ZNF48: variants seen among roughly 807,000 people sequenced by gnomAD.
ZNF48 encodes the protein zinc finger protein 48, also known as zinc finger protein 553.
ZNF48 carries 20 observed loss-of-function variants against 40.0 expected under a neutral mutation model. The observed-to-expected ratio is 0.50, with a 90% CI of 0.35 to 0.73. ZNF48 has a LOEUF of 0.73. Among genes scored for constraint, ZNF48 ranks in the 30% least tolerant of loss-of-function variants. ZNF48 has a pLI of 0.01. For synonymous variants in ZNF48, 298 were observed against 329.7 expected (o/e 0.90, Z 1.04); for missense variants, 726 against 851.9 (o/e 0.85, Z 1.84).
Position 30,399,214 on chromosome 16 carries a change from AAG to A in ZNF48, c.*108_*109del. ...GGTGGGAGGGAGAAGGAAGGGAAGA[AAG>A]GGGAGGAAGAATAGATAGAAATAGG... On this transcript the variant is annotated 3_prime_UTR_variant, in exon 3 of 3. Transcript: ENST00000613509. The A allele has an allele frequency of 1.9e-6, 2 of 1,061,096 alleles. No individual in the cohort carries two copies. The highest frequency in any genetic ancestry group is 3.3e-5 in the South Asian group (2 of 60,688). The allele number at this position is 1,061,096 out of a possible 1,614,324, so 65.7% of individuals were successfully genotyped here. A position where few individuals can be genotyped will look rare whatever the true frequency, so the allele number is the denominator to read the frequency against.
chr16:30,397,290 G>A lies in ZNF48; in HGVS notation c.80-40G>A, dbSNP rs1324370155. 1 of 1,558,732 alleles carries A rather than the reference G, an allele frequency of 6.4e-7. No homozygotes were observed. Among genetic ancestry groups the A allele is most frequent in the East Asian group, 2.2e-5 (1 of 44,654 alleles). On this transcript the variant is annotated intron_variant, in intron 2 of 2. Transcript: ENST00000613509. This position sits in a 1 kb window ranked among gnomAD's most constrained non-coding sequence, Gnocchi z 4.1. ...GGTTGCTGTCAAAGATAAGTACCGA[G>A]CCAAAGGGGAGGGTCTACAACTTCC...
rs2050028499 is a variant in ZNF48, at chr16:30,399,239, A to G, written c.*132A>G. 3 of 906,398 alleles carry G rather than the reference A, an allele frequency of 3.3e-6. No homozygotes were observed. The highest frequency in any genetic ancestry group is 3.2e-6 in the Non-Finnish European group (2 of 620,548). 56.1% of individuals were successfully genotyped at this position (906,398 alleles called of 1,614,324 possible). Reference sequence around the variant, plus strand: ...AAGGGGAGGAAGAATAGATAGAAATAGGGATTGGAGACAGTAACCTTGAAG... The same window carrying G: ...AAGGGGAGGAAGAATAGATAGAAATGGGGATTGGAGACAGTAACCTTGAAG... On this transcript the variant is annotated 3_prime_UTR_variant, in exon 3 of 3. Coordinates refer to ENST00000613509, the MANE Select transcript of ZNF48 (RefSeq NM_001214909.2).
upstream of ZNF48, chr16:30,394,474 G>A (rs150129456): frequency 8.3e-3 from 1,257 of 152,360 alleles, 11 homozygotes; most frequent in Non-Finnish European, 0.012. Flanking sequence ...TCCAGCCAGG[G>A]GCCCACCAGG....
intron 1 of ZNF48, chr16:30,380,761 C>A: frequency 3.6e-6 from 1 of 279,484 alleles, no homozygotes; most frequent in Middle Eastern, 1.3e-3. Flanking sequence ...CAGAGTGAGA[C>A]TCTATCTAAA....
In ZNF48 at chr16:30,397,461, G is replaced by A. The variant is rs987672284; in HGVS notation, c.211G>A (p.Gly71Ser). The A allele has an allele frequency of 3.7e-5, 60 of 1,614,140 alleles. No homozygotes were observed. Among genetic ancestry groups the A allele is most frequent in the Non-Finnish European group, 5.0e-5 (59 of 1,180,020 alleles). Residue 71 changes from glycine to serine, a missense_variant, in exon 3 of 3, where the codon GGC becomes AGC. Around this residue, in one of 5 missense-constraint regions of ZNF48, gnomAD observed 151 missense variants for 162.3 expected, o/e 0.93. Transcript: ENST00000613509. The surrounding 1 kb of genome is among the most constrained non-coding windows in gnomAD (Gnocchi z 4.1). ...AGGAAATGCCTCTCTCAAACCTGAA[G>A]GCATCCAGAACTGGGATGACTTATG... ...EVGNASLKPE[G>S]IQNWDDLWVQ...
intron 1 of ZNF48, among the ~76,000 whole-genome samples, chr16:30,389,403 A>T (rs1448195439): frequency 4.0e-5 from 6 of 149,864 alleles, no homozygotes; most frequent in East Asian, 2.0e-4. Flanking sequence ...AAAAAAAAAA[A>T]AAATAATAAT....
Position 30,381,574 on chromosome 16 carries a change from C to T in ZNF48, c.-16+3164C>T. ...GAGTAGAATGTCATTTCTTTGGCTC[C>T]CTCCAAAGACATTAAGGGGAACTGG... On this transcript the variant is annotated intron_variant, in intron 1 of 2. Transcript: ENST00000528032. The surrounding 1 kb of genome is among the most constrained non-coding windows in gnomAD (Gnocchi z 4.3). 6.6e-7 allele frequency: 1 copy of T among 1,507,692 alleles called. No homozygotes were observed. The highest frequency in any genetic ancestry group is 9.1e-7 in the Non-Finnish European group (1 of 1,096,856). The allele number at this position is 1,507,692 out of a possible 1,614,324, so 93.4% of individuals were successfully genotyped here.
At position 30,382,717 on chromosome 16, in the gene ZNF48, C is replaced by T; in HGVS notation, c.-16+4307C>T. The T allele has an allele frequency of 1.3e-6, 2 of 1,535,796 alleles. No homozygotes were observed. Among genetic ancestry groups the T allele is most frequent in the Non-Finnish European group, 1.7e-6 (2 of 1,145,910 alleles). Reference sequence around the variant, plus strand: ...TTGCCACCTCCTGGACCCCTTTGCCCATCACCTGTCTACGTACCTTCAACC... The same window carrying T: ...TTGCCACCTCCTGGACCCCTTTGCCTATCACCTGTCTACGTACCTTCAACC... On this transcript the variant is annotated intron_variant, in intron 1 of 2. Coordinates refer to the ZNF48 transcript ENST00000528032. This position sits in a 1 kb window ranked among gnomAD's most constrained non-coding sequence, Gnocchi z 4.8.
Position 30,399,053 on chromosome 16 carries a change from A to G in ZNF48, c.1803A>G (p.Ile601Met), listed in dbSNP as rs145124155. 7 of 1,610,310 alleles carry G rather than the reference A, an allele frequency of 4.3e-6. No individual in the cohort carries two copies. The highest frequency in any genetic ancestry group is 5.9e-6 in the Non-Finnish European group (7 of 1,177,944). Residue 601 changes from isoleucine to methionine, a missense_variant, in exon 3 of 3, where the codon ATA becomes ATG. Physicochemically the swap from Ile to Met is conservative, Grantham distance 10. Transcript: ENST00000613509. ...ACCTGGTCCTGACGCCCTTTGGGAT[A>G]GGGGATGGTAGGGCAAGGCCCCTCA... ...RGHLVLTPFG[I>M]GDGRARPLKQ...
chr16:30,396,014 C>A, intron 2 of ZNF48, 141 bp downstream of exon 2: 1 of 889,338 alleles, frequency 1.1e-6, no homozygotes, highest in Non-Finnish European at 1.6e-6. Context: ...GCTTTCGGAG[C>A]ACCAACTGTG....
In ZNF48 at chr16:30,397,930, A is replaced by G. The variant is rs369683551; in HGVS notation, c.680A>G (p.Lys227Arg). The change falls in exon 3 of 3, where the codon AAG becomes AGG. Residue 227 changes from lysine to arginine, a missense_variant. Physicochemically the swap from Lys to Arg is conservative, Grantham distance 26. Around this residue, in one of 5 missense-constraint regions of ZNF48, gnomAD observed 378 missense variants for 449.1 expected, o/e 0.84. Transcript: ENST00000613509. The surrounding 1 kb of genome is among the most constrained non-coding windows in gnomAD (Gnocchi z 4.1). ...CCCTACAAGTGTGGCATATGTGGCAAGGGCTTTGGCGACAGTTCCGCCCGC... is the reference window on the plus strand; with the variant it reads ...CCCTACAAGTGTGGCATATGTGGCAGGGGCTTTGGCGACAGTTCCGCCCGC... ...EKPYKCGICGKGFGDSSARIK... is the reference protein window; with the variant it reads ...EKPYKCGICGRGFGDSSARIK... 37 of 1,613,018 alleles carry G rather than the reference A, an allele frequency of 2.3e-5. No homozygotes were observed. Among genetic ancestry groups the G allele is most frequent in the Non-Finnish European group, 3.1e-5 (36 of 1,179,196 alleles).
At position 30,381,953 on chromosome 16, in the gene ZNF48, C is replaced by T; in HGVS notation, c.-16+3543C>T. ...CAGAATTAATTTCCTTTGTCAATAT[C>T]ACAGTTGCCTGCACCCATTTCCCAG... is the stretch of plus-strand genomic sequence containing the variant. On this transcript the variant is annotated intron_variant, in intron 1 of 2. Transcript: ENST00000528032. This position sits in a 1 kb window ranked among gnomAD's most constrained non-coding sequence, Gnocchi z 4.3. 1 of 1,607,858 alleles carries T rather than the reference C, an allele frequency of 6.2e-7. No homozygotes were observed. Among genetic ancestry groups the T allele is most frequent in the African/African-American group, 1.3e-5 (1 of 74,848 alleles).
chr16:30,398,179 A>G lies in ZNF48; in HGVS notation c.929A>G (p.Lys310Arg), dbSNP rs1241185336. The change falls in exon 3 of 3, where the codon AAG (lysine) becomes AGG (arginine). Residue 310 changes from lysine (K) to arginine (R), a missense_variant. Coordinates refer to ENST00000613509, the MANE Select transcript of ZNF48 (RefSeq NM_001214909.2). The surrounding 1 kb of genome is among the most constrained non-coding windows in gnomAD (Gnocchi z 6.6). The part of the protein sequence containing the change: ...PKPFGCDVCG[K>R]EFARGSDLVK... ...CCCTTTGGCTGTGATGTGTGTGGAA[A>G]GGAGTTTGCCCGGGGATCCGACCTG... 1.2e-6 allele frequency: 2 copies of G among 1,614,112 alleles called. No individual in the cohort carries two copies. Among genetic ancestry groups the G allele is most frequent in the Non-Finnish European group, 1.7e-6 (2 of 1,180,024 alleles).
upstream of ZNF48, among the ~76,000 whole-genome samples, chr16:30,390,622 T>G (rs796626106): frequency 3.1e-3 from 239 of 77,102 alleles, no homozygotes; most frequent in African/African-American, 8.4e-3. Flanking sequence ...TTTTTTTTTT[T>G]TTTTTTTTTT....
rs777979063 is a variant in ZNF48, at chr16:30,382,510, G to C, written c.-16+4100G>C. On this transcript the variant is annotated intron_variant, in intron 1 of 2. Transcript: ENST00000528032. This position sits in a 1 kb window ranked among gnomAD's most constrained non-coding sequence, Gnocchi z 4.8. ...GGGGGCCGAGATGCCCAGGTTTCTG[G>C]GTGTAAGGACTCACCATGACTCCGC... 6.3e-7 allele frequency: 1 copy of C among 1,597,340 alleles called. No homozygotes were observed. Among genetic ancestry groups the C allele is most frequent in the East Asian group, 2.3e-5 (1 of 44,252 alleles).
chr16:30,398,985 G>C lies in ZNF48; in HGVS notation c.1735G>C (p.Gly579Arg). 2 of 1,614,088 alleles carry C rather than the reference G, an allele frequency of 1.2e-6. No homozygotes were observed. Among genetic ancestry groups the C allele is most frequent in the Non-Finnish European group, 1.7e-6 (2 of 1,180,024 alleles). The change falls in exon 3 of 3, where the codon GGT (glycine) becomes CGT (arginine). Residue 579 changes from glycine to arginine, a missense_variant. Gly to Arg is a moderately radical substitution (Grantham distance 125). This residue lies in a region of ZNF48 where 166 missense variants were observed against 163.6 expected (regional missense o/e 1.01). Transcript: ENST00000613509. This position sits in a 1 kb window ranked among gnomAD's most constrained non-coding sequence, Gnocchi z 6.6. ...KPYKCAECGK[G>R]FGDSSARIKH... ...ATACAAGTGTGCAGAGTGTGGCAAG[G>C]GTTTTGGTGACAGTTCTGCCCGCAT...
At chr16:30,396,605 G>C (rs1028360106) in intron 2 of ZNF48, among the ~76,000 whole-genome samples, 15 of 150,566 alleles carry the variant, frequency 1.0e-4, no homozygotes, top group African/African-American at 3.7e-4. Context: ...CAAATACCAA[G>C]TTTTCCAAAT....
rs1378198513 is a variant in ZNF48, at chr16:30,398,829, G to A, written c.1579G>A (p.Ala527Thr). The stretch of plus-strand genomic sequence containing the variant: ...TAACCCACCTGGCCCAGTACCCATG[G>A]CCCCTCGACCCCGAGTTCGGGCCCA... The part of the protein sequence containing the change: ...PHNPPGPVPM[A>T]PRPRVRAQPS... The change falls in exon 3 of 3, where the codon GCC becomes ACC. Residue 527 changes from alanine to threonine, a missense_variant. Physicochemically the swap from Ala to Thr is moderately conservative, Grantham distance 58. Transcript: ENST00000613509. The surrounding 1 kb of genome is among the most constrained non-coding windows in gnomAD (Gnocchi z 6.6). 6.2e-7 allele frequency: 1 copy of A among 1,613,792 alleles called. No individual in the cohort carries two copies. Among genetic ancestry groups the A allele is most frequent in the Admixed American group, 1.7e-5 (1 of 60,014 alleles).
intron 1 of ZNF48, among the ~76,000 whole-genome samples, chr16:30,385,175 CAAATAA>C (rs1317387637): frequency 1.7e-5 from 2 of 115,978 alleles, no homozygotes; most frequent in Non-Finnish European, 1.8e-5. Context: ...AACTCTTTCT[CAAATAA>C]TAATAATAAT....
Sources: gnomAD v4.1 joint callset for allele counts (sites outside exome capture counted in the v4.1 genomes callset) on GRCh38, gnomAD v4.1.1 for gene constraint, gnomAD v4.1.1 regional missense constraint, Gnocchi (gnomAD v3.1) non-coding constraint, MANE v1.5 for transcripts, NCBI Gene and HGNC (gene_info 2026-07-23, HGNC 2026-07-21) for gene names.